ZNF664: variants seen among roughly 807,000 people sequenced by gnomAD.
The protein encoded by ZNF664 is zinc finger Organ of Corti 1.
Under a neutral mutation model 18.2 loss-of-function variants are expected in ZNF664, and 10 were observed. That is an observed-to-expected ratio of 0.55 (90% CI 0.34 to 0.93). ZNF664 has a LOEUF of 0.93. ZNF664 is among the 40% of genes least tolerant of loss of function. ZNF664 has a pLI of 0.02. For missense variants in ZNF664, 193 were observed against 319.0 expected, an observed-to-expected ratio of 0.61 and a Z score of 3.01; for synonymous variants, 119 against 104.2, an observed-to-expected ratio of 1.14 and a Z score of -0.86.
rs867588516 is a variant in ZNF664 at position 123,974,350 on chromosome 12, G to C, written c.-757+330G>C. 2.2e-4 allele frequency: 57 copies of C among 256,412 alleles called. No individual in the cohort carries two copies. In the Middle Eastern group the frequency reaches 7.9e-3, roughly 35 times the overall value. The allele number at this position is 256,412 out of a possible 1,614,324, so 15.9% of individuals were successfully genotyped here. A position where few individuals can be genotyped will look rare whatever the true frequency, so the allele number is the denominator to read the frequency against. On this transcript the variant is annotated intron_variant, in intron 2 of 4. Coordinates refer to ENST00000337815, the MANE Select transcript of ZNF664 (RefSeq NM_152437.3). ...CAAAGGAGACCAGATACCGAAAAAA[G>C]ATTTCTGAGCTATTGCCTTCTTCAA...
chr12:123,979,381 A>G (rs1364724975), intron 2 of ZNF664, among the ~76,000 whole-genome samples: 1 of 152,242 alleles, frequency 6.6e-6, no homozygotes, highest in East Asian at 1.9e-4. Context: ...GGAGGGCATC[A>G]GGCAAAAATT....
intron 3 of ZNF664, among the ~76,000 whole-genome samples, chr12:123,991,006 G>A (rs1352749144): frequency 1.3e-5 from 2 of 152,194 alleles, no homozygotes; most frequent in Non-Finnish European, 2.9e-5. Flanking sequence ...GTAAACTGAG[G>A]CTGGTGAGAA....
intron 2 of ZNF664, among the ~76,000 whole-genome samples, chr12:123,979,556 T>TA (rs1956735743): frequency 3.3e-5 from 5 of 152,228 alleles, no homozygotes. Context: ...TAGGAGAACA[T>TA]ACGTTAATAT....
At chr12:124,005,523 G>GTC (rs1957062976) in intron 3 of ZNF664, among the ~76,000 whole-genome samples, 1 of 150,324 alleles carries the variant, frequency 6.7e-6, no homozygotes, top group South Asian at 2.1e-4. Context: ...GTGTGTGTGT[G>GTC]TGAGAGATAG....
intron 3 of ZNF664, among the ~76,000 whole-genome samples, chr12:124,001,303 T>A (rs1268548720): frequency 1.3e-5 from 2 of 152,230 alleles, no homozygotes; most frequent in East Asian, 3.9e-4. Flanking sequence ...TCCTTTAATT[T>A]CTGTACTTTA....
rs117061283 is a variant in ZNF664 at position 124,012,117 on chromosome 12, C to T, written c.-28C>T. 6.3e-7 allele frequency: 1 copy of T among 1,576,668 alleles called. No individual in the cohort carries two copies. Among genetic ancestry groups the T allele is most frequent in the Non-Finnish European group, 8.6e-7 (1 of 1,167,708 alleles). ...GTAGTAATCATAAGGAAATTTTCTC[C>T]TTGAAATCACGATACCAAATAGGAA... On this transcript the variant is annotated 5_prime_UTR_variant, in exon 5 of 5. Transcript: ENST00000337815.
At chr12:123,994,710 G>A (rs1264155696) in intron 3 of ZNF664, among the ~76,000 whole-genome samples, 1 of 152,146 alleles carries the variant, frequency 6.6e-6, no homozygotes, top group African/African-American at 2.4e-5. Flanking sequence ...AGATGCCTAC[G>A]GGTTAGTTGC....
chr12:123,994,423 C>G (rs1423092614), intron 3 of ZNF664, among the ~76,000 whole-genome samples: 1 of 152,158 alleles, frequency 6.6e-6, no homozygotes, highest in Non-Finnish European at 1.5e-5. Flanking sequence ...TACATGCTAA[C>G]ATAAATGACA....
At chr12:124,002,305 G>A (rs1283744870) in intron 3 of ZNF664, among the ~76,000 whole-genome samples, 1 of 152,228 alleles carries the variant, frequency 6.6e-6, no homozygotes, top group Non-Finnish European at 1.5e-5. Flanking sequence ...AGAGAGTGCA[G>A]GAGGTGAGGT....
At chr12:124,009,754 G>A (rs1476721313) in intron 3 of ZNF664, among the ~76,000 whole-genome samples, 3 of 152,122 alleles carry the variant, frequency 2.0e-5, no homozygotes, top group Admixed American at 1.3e-4. Flanking sequence ...AGCCTCAAGT[G>A]ATCCTCCCAC....
chr12:123,975,640 A>G (rs1399999970), intron 2 of ZNF664, among the ~76,000 whole-genome samples: 2 of 152,072 alleles, frequency 1.3e-5, no homozygotes, highest in Non-Finnish European at 2.9e-5. Flanking sequence ...TCTTGCCCCA[A>G]CTGGTCTCAA....
At chr12:123,987,856 C>T in intron 2 of ZNF664, 187 bp from the exon 3 acceptor site, 1 of 631,588 alleles carries the variant, frequency 1.6e-6, no homozygotes, top group Non-Finnish European at 2.0e-6. Context: ...CTCAGATTTG[C>T]TCATCCCTTC....
chr12:124,006,339 C>T (rs1957073481), intron 3 of ZNF664: 1 of 152,282 alleles, frequency 6.6e-6, no homozygotes, highest in African/African-American at 2.4e-5. Context: ...GGGTTCGCCT[C>T]TTCTGCCGCT....
At chr12:123,973,788 G>C in intron 1 of ZNF664, 98 bp from the exon 2 acceptor site, 1 of 1,209,478 alleles carries the variant, frequency 8.3e-7, no homozygotes. Flanking sequence ...AGCCCTTCCA[G>C]GCGGGTCCCG....
Position 123,973,918 on chromosome 12 carries a change from C to A in ZNF664, c.-859C>A. ...TGCGTCCGGCAGAGGAGGCGAGCAT[C>A]CCGCTCAGGTGATGAGGAACCCCTC... is the stretch of plus-strand genomic sequence containing the variant. On this transcript the variant is annotated 5_prime_UTR_variant, in exon 2 of 5. Coordinates refer to ENST00000337815, the MANE Select transcript of ZNF664 (RefSeq NM_152437.3). The A allele has an allele frequency of 8.1e-7, 1 of 1,231,872 alleles. No individual in the cohort carries two copies. The highest frequency in any genetic ancestry group is 1.0e-6 in the Non-Finnish European group (1 of 988,074). The allele number at this position is 1,231,872 out of a possible 1,614,324, so 76.3% of individuals were successfully genotyped here.
chr12:123,991,460 G>A (rs1182739329), intron 3 of ZNF664, among the ~76,000 whole-genome samples: 1 of 152,202 alleles, frequency 6.6e-6, no homozygotes, highest in Admixed American at 6.5e-5. Context: ...TACATCATCA[G>A]GTGTTTGGAA....
chr12:123,989,072 C>G (rs116553881), intron 3 of ZNF664, among the ~76,000 whole-genome samples: 3 of 152,168 alleles, frequency 2.0e-5, no homozygotes, highest in Non-Finnish European at 4.4e-5. Flanking sequence ...CTTCACTTTC[C>G]CATGCAACAA....
In ZNF664 at chr12:124,014,941, G is replaced by C. The variant is rs1957174970; in HGVS notation, c.*2011G>C. 1 of 167,082 alleles carries C rather than the reference G, an allele frequency of 6.0e-6. No homozygotes were observed. Among genetic ancestry groups the C allele is most frequent in the Non-Finnish European group, 1.5e-5 (1 of 68,128 alleles). 10.3% of individuals were successfully genotyped at this position (167,082 alleles called of 1,614,324 possible). ...ACTTTTCCTCCTTTTTACAAAGAGA[G>C]GGCTGGCTTAGTTATTTGCCAAAGC... is the stretch of plus-strand genomic sequence containing the variant. On this transcript the variant is annotated 3_prime_UTR_variant, in exon 5 of 5. Transcript: ENST00000337815.
At chr12:124,011,132 C>T (rs980843091) in intron 3 of ZNF664, among the ~76,000 whole-genome samples, 8 of 152,166 alleles carry the variant, frequency 5.3e-5, no homozygotes, top group Admixed American at 2.0e-4. Context: ...AAGTCAAATA[C>T]GATGTTTTAT....
Sources: gnomAD v4.1 joint callset for allele counts (sites outside exome capture counted in the v4.1 genomes callset) on GRCh38, gnomAD v4.1.1 for gene constraint, MANE v1.5 for transcripts, NCBI Gene and HGNC (gene_info 2026-07-23, HGNC 2026-07-21) for gene names.